WASF3: variants seen among roughly 807,000 people sequenced by gnomAD.
WASF3 encodes the protein actin-binding protein WASF3.
WASF3 carries 11 observed loss-of-function variants against 46.6 expected under a neutral mutation model. The observed-to-expected ratio is 0.24, with a 90% CI of 0.15 to 0.39. The LOEUF (loss-of-function observed/expected upper bound fraction) is 0.39. Ranked by LOEUF, WASF3 falls within the 10% of genes least tolerant of loss-of-function variation. The pLI is 1.00. For missense variants in WASF3, 576 were observed against 669.8 expected, an observed-to-expected ratio of 0.86 and a Z score of 1.55; for synonymous variants, 242 against 259.7, an observed-to-expected ratio of 0.93 and a Z score of 0.65.
In WASF3 at chr13:26,681,249, G is replaced by A. The variant is rs141429361; in HGVS notation, c.912G>A (p.Pro304=). The change falls in exon 8 of 10, where the codon CCG becomes CCA. Residue 304 remains proline (P), a synonymous_variant. Transcript: ENST00000335327. ...TGGCCCTCAACAGACCTCAGCAGCC[G>A]CCCCCCCCGCCTCCCCCTCAGGCCC... is the stretch of plus-strand genomic sequence containing the variant. ...RHMALNRPQQ[P]PPPPPPQAPE... 2.0e-5 allele frequency: 33 copies of A among 1,609,842 alleles called. No individual in the cohort carries two copies. Among genetic ancestry groups the A allele is most frequent in the African/African-American group, 2.0e-4 (15 of 74,418 alleles).
chr13:26,654,485 C>A (rs781561068), intron 3 of WASF3, among the ~76,000 whole-genome samples: 2 of 152,152 alleles, frequency 1.3e-5, no homozygotes, highest in Non-Finnish European at 2.9e-5. Context: ...TTTTCCTCAA[C>A]CATAATACAC....
intron 1 of WASF3, among the ~76,000 whole-genome samples, chr13:26,575,215 C>G (rs1047419813): frequency 2.0e-5 from 3 of 152,134 alleles, no homozygotes; most frequent in African/African-American, 7.2e-5. Context: ...CTCATCTGTT[C>G]ACGATACAAT....
intron 2 of WASF3, among the ~76,000 whole-genome samples, chr13:26,628,397 C>G (rs1394158232): frequency 6.6e-6 from 1 of 152,200 alleles, no homozygotes; most frequent in Non-Finnish European, 1.5e-5. Flanking sequence ...GACACACTAG[C>G]AAGTGTCAGC....
chr13:26,624,900 A>G (rs1881419123), intron 2 of WASF3, among the ~76,000 whole-genome samples: 1 of 152,138 alleles, frequency 6.6e-6, no homozygotes, highest in Admixed American at 6.5e-5. Context: ...CAGCAAAAAT[A>G]TATTTTTAAA....
At position 26,599,226 on chromosome 13, in the gene WASF3, C is replaced by T. The variant is rs1205155395; in HGVS notation, c.-108-13735C>T. Among the ~76,000 whole-genome samples the T allele has an allele frequency of 2.8e-5, 4 of 144,164 alleles. No homozygotes were observed. The South Asian group carries it at 8.9e-4, about 32-fold the overall frequency. The allele number at this position is 144,164 out of a possible 152,430, so 94.6% of individuals were successfully genotyped here. A position where few individuals can be genotyped will look rare whatever the true frequency, so the allele number is the denominator to read the frequency against. ...TGAGACGGAGTCTTGCTCTGTCACC[C>T]AGGCTGGAGTGCAGTGGCTGATCTC... On this transcript the variant is annotated intron_variant, in intron 1 of 9. Transcript: ENST00000335327.
the WASF3 span, among the ~76,000 whole-genome samples, chr13:26,552,294 G>C: frequency 1.3e-5 from 2 of 152,188 alleles, no homozygotes; most frequent in Non-Finnish European, 2.9e-5. Context: ...ACTGCACATA[G>C]AGCATTCTCA....
intron 5 of WASF3, among the ~76,000 whole-genome samples, chr13:26,670,374 C>A (rs1251685750): frequency 6.6e-6 from 1 of 151,996 alleles, no homozygotes; most frequent in Non-Finnish European, 1.5e-5. Context: ...GGAGGGATAG[C>A]ATTAGGAGAA....
intron 1 of WASF3, among the ~76,000 whole-genome samples, chr13:26,565,274 A>C (rs937108713): frequency 6.6e-6 from 1 of 152,110 alleles, no homozygotes; most frequent in Non-Finnish European, 1.5e-5. Flanking sequence ...CTCTAGTACA[A>C]GTTGAGGGGT....
intron 9 of WASF3, among the ~76,000 whole-genome samples, chr13:26,684,086 C>T (rs1034751748): frequency 2.6e-5 from 4 of 152,170 alleles, no homozygotes; most frequent in African/African-American, 7.2e-5. Flanking sequence ...GCTGCCTCTG[C>T]GTTTTTCTTG....
chr13:26,659,697 T>C (rs528858003), intron 3 of WASF3, among the ~76,000 whole-genome samples: 1 of 152,214 alleles, frequency 6.6e-6, no homozygotes, highest in South Asian at 2.1e-4. Flanking sequence ...AGTCAGACCC[T>C]GGATATATTC....
At chr13:26,568,658 G>T (rs1879544692) in intron 1 of WASF3, among the ~76,000 whole-genome samples, 1 of 152,172 alleles carries the variant, frequency 6.6e-6, no homozygotes, top group Non-Finnish European at 1.5e-5. Context: ...GCAGTCTGGA[G>T]CATTGTGTTA....
At chr13:26,550,839 G>C in the WASF3 span, among the ~76,000 whole-genome samples, 1 of 152,148 alleles carries the variant, frequency 6.6e-6, no homozygotes, top group Non-Finnish European at 1.5e-5. Context: ...GGCAATGTGG[G>C]AGTAGGCAGC....
intron 5 of WASF3, among the ~76,000 whole-genome samples, 184 bp downstream of exon 5, chr13:26,667,854 A>G (rs1882818186): frequency 1.3e-5 from 2 of 152,364 alleles, no homozygotes; most frequent in Middle Eastern, 3.4e-3. Flanking sequence ...TTGGTACATA[A>G]TTATTAAAGT....
rs199506233 is a variant in WASF3, at chr13:26,613,265, GA to G, written c.-11+216del. 2.1e-4 allele frequency among the ~76,000 whole-genome samples: 31 copies of G among 150,110 alleles called. 1 individual carries two copies. Among genetic ancestry groups the G allele is most frequent in the South Asian group, 4.2e-4 (2 of 4,734 alleles). On this transcript the variant is annotated intron_variant, in intron 2 of 9. Coordinates refer to ENST00000335327, the MANE Select transcript of WASF3 (RefSeq NM_006646.6). The stretch of plus-strand genomic sequence containing the variant: ...ATTAATAGTTTGGGACATTGAAAGA[GA>G]AAAAAAAACTTGATATATTCACTTC...
At position 26,682,835 on chromosome 13, in the gene WASF3, G is replaced by T. The variant is rs143748235; in HGVS notation, c.1212G>T (p.Pro404=). Residue 404 remains proline, a synonymous_variant, in exon 9 of 10, where the codon CCG becomes CCT. Coordinates refer to ENST00000335327, the MANE Select transcript of WASF3 (RefSeq NM_006646.6). The surrounding 1 kb of genome is among the most constrained non-coding windows in gnomAD (Gnocchi z 4.4). The part of the protein sequence containing the change: ...APPPPGPPPP[P]PGPPGPGSSL... The stretch of plus-strand genomic sequence containing the variant: ...CACCCCCGGGCCCACCACCTCCCCC[G>T]CCAGGCCCTCCTGGTCCCGGGTCTT... 5 of 1,558,180 alleles carry T rather than the reference G, an allele frequency of 3.2e-6. No individual in the cohort carries two copies. In the South Asian group the frequency reaches 4.5e-5, roughly 14 times the overall value.
chr13:26,539,995 G>T, the WASF3 span, among the ~76,000 whole-genome samples: 3 of 152,256 alleles, frequency 2.0e-5, no homozygotes, highest in African/African-American at 7.2e-5. Context: ...TGGGGGGTGT[G>T]AGAGCAGGCA....
chr13:26,678,461 T>A (rs1409951422), intron 7 of WASF3, among the ~76,000 whole-genome samples: 1 of 152,070 alleles, frequency 6.6e-6, no homozygotes, highest in Non-Finnish European at 1.5e-5. Flanking sequence ...AAAATTGGAG[T>A]CATGCCATGT....
At chr13:26,643,768 G>A (rs1254558860) in intron 3 of WASF3, among the ~76,000 whole-genome samples, 1 of 152,216 alleles carries the variant, frequency 6.6e-6, no homozygotes. Context: ...ATCTCATGCT[G>A]TAATAATCGG....
At chr13:26,641,670 A>G (rs1016225004) in intron 2 of WASF3, among the ~76,000 whole-genome samples, 4 of 152,160 alleles carry the variant, frequency 2.6e-5, no homozygotes, top group African/African-American at 9.7e-5. Context: ...AGCAGTCATG[A>G]TGGGTGAGGA....
Sources: gnomAD v4.1 joint callset for allele counts (sites outside exome capture counted in the v4.1 genomes callset) on GRCh38, gnomAD v4.1.1 for gene constraint, Gnocchi (gnomAD v3.1) non-coding constraint, MANE v1.5 for transcripts, NCBI Gene and HGNC (gene_info 2026-07-23, HGNC 2026-07-21) for gene names.